DOCK5: variants seen among roughly 807,000 people sequenced by gnomAD.
The protein encoded by DOCK5 is dedicator of cytokinesis protein 5.
DOCK5 carries 142 observed loss-of-function variants against 251.8 expected under a neutral mutation model. The ratio of observed to expected loss-of-function variants is 0.56; its 90% CI spans 0.49 to 0.65. DOCK5 has a LOEUF of 0.65. DOCK5 is among the 30% of genes least tolerant of loss of function. The pLI is 0.00. For missense variants in DOCK5, 2,111 were observed against 2,312.3 expected (o/e 0.91, Z 1.79); for synonymous variants, 842 against 835.5 (o/e 1.01, Z -0.13).
At chr8:25,410,524 C>T (rs927597330) in intron 51 of DOCK5, among the ~76,000 whole-genome samples, 5 of 151,934 alleles carry the variant, frequency 3.3e-5, no homozygotes, top group African/African-American at 7.3e-5. Context: ...TGCAATAGTG[C>T]GATCATAGCT....
At chr8:25,379,735 G>A (rs1801029800) in intron 38 of DOCK5, among the ~76,000 whole-genome samples, 1 of 152,062 alleles carries the variant, frequency 6.6e-6, no homozygotes, top group African/African-American at 2.4e-5. Flanking sequence ...CACAATTTAT[G>A]TTCCTCTGCC....
chr8:25,209,113 G>A (rs1802070257), intron 1 of DOCK5, among the ~76,000 whole-genome samples: 2 of 152,198 alleles, frequency 1.3e-5, no homozygotes, highest in South Asian at 2.1e-4. Flanking sequence ...GGGAGGGTCT[G>A]TGAAGATGCC....
chr8:25,228,869 T>C (rs1802596078), intron 1 of DOCK5, among the ~76,000 whole-genome samples: 1 of 152,206 alleles, frequency 6.6e-6, no homozygotes, highest in Admixed American at 6.5e-5. Flanking sequence ...TTCGTAAGAT[T>C]ACTTTTTTTC....
In DOCK5 at chr8:25,342,489, A is replaced by G. The variant is rs1805977689; in HGVS notation, c.2599A>G (p.Thr867Ala). The G allele has an allele frequency of 6.3e-7, 1 of 1,589,288 alleles. No individual in the cohort carries two copies. The change falls in exon 25 of 52, where the codon ACT (threonine) becomes GCT (alanine). Residue 867 changes from threonine to alanine, a missense_variant. Physicochemically the swap from Thr to Ala is moderately conservative, Grantham distance 58. This residue lies in a region of DOCK5 where 1,717 missense variants were observed against 1,892.4 expected (regional missense o/e 0.91). Coordinates refer to ENST00000276440, the MANE Select transcript of DOCK5 (RefSeq NM_024940.8). ...CTGCATGACCAAGATAGTAGAGAGC[A>G]CTCTTTTTCGACAGTCAGGTAAGTC... is the stretch of plus-strand genomic sequence containing the variant. ...LNCMTKIVES[T>A]LFRQSECREV...
intron 1 of DOCK5, among the ~76,000 whole-genome samples, chr8:25,243,424 G>A (rs191735564): frequency 6.6e-5 from 10 of 150,714 alleles, no homozygotes; most frequent in East Asian, 2.0e-4. Flanking sequence ...TCTGCTGCCC[G>A]GGTTCAAGCA....
intron 5 of DOCK5, 94 bp downstream of exon 5, chr8:25,278,759 C>T: frequency 8.9e-7 from 1 of 1,124,824 alleles, no homozygotes; most frequent in South Asian, 1.3e-5. Flanking sequence ...TTGCTGACTT[C>T]ATGGAGTGGG....
intron 1 of DOCK5, among the ~76,000 whole-genome samples, chr8:25,187,259 A>G (rs969831385): frequency 6.9e-6 from 1 of 144,590 alleles, no homozygotes; most frequent in Non-Finnish European, 1.5e-5. Context: ...ACACACACAC[A>G]CGTATACACA....
chr8:25,323,976 G>A, intron 17 of DOCK5, 25 bp downstream of exon 17: 5 of 1,574,694 alleles, frequency 3.2e-6, no homozygotes, highest in African/African-American at 1.4e-5. Context: ...AAATGGCTGA[G>A]AAAAATACTC....
rs1484840683 is a variant in DOCK5, at chr8:25,414,243, T to C, written c.*2945T>C. 1.3e-5 allele frequency: 2 copies of C among 152,170 alleles called. No homozygotes were observed. Among genetic ancestry groups the C allele is most frequent in the Non-Finnish European group, 2.9e-5 (2 of 68,032 alleles). The allele number at this position is 152,170 out of a possible 1,614,324, so 9.4% of individuals were successfully genotyped here. On this transcript the variant is annotated 3_prime_UTR_variant, in exon 52 of 52. Coordinates refer to ENST00000276440, the MANE Select transcript of DOCK5 (RefSeq NM_024940.8). The stretch of plus-strand genomic sequence containing the variant: ...ATGGTACTAGCCCCTTGGGATGTAG[T>C]GGTTGAGTGTGTTCAATGGAAACAG...
intron 1 of DOCK5, among the ~76,000 whole-genome samples, chr8:25,187,407 G>A (rs189167438): frequency 6.8e-6 from 1 of 147,828 alleles, no homozygotes; most frequent in South Asian, 2.1e-4. Context: ...TAAAATATTT[G>A]GATTGCATTT....
chr8:25,213,364 C>CAAAAA (rs34974024), intron 1 of DOCK5, among the ~76,000 whole-genome samples: 4 of 74,612 alleles, frequency 5.4e-5, no homozygotes, highest in African/African-American at 9.0e-5. Flanking sequence ...ATGAATGTAG[C>CAAAAA]AAAAAAAAAA....
At chr8:25,240,880 C>T (rs1802921791) in intron 1 of DOCK5, among the ~76,000 whole-genome samples, 1 of 152,134 alleles carries the variant, frequency 6.6e-6, no homozygotes, top group South Asian at 2.1e-4. Flanking sequence ...GCTGTGCTCC[C>T]TCCGGAGGCC....
At chr8:25,374,105 A>C (rs1800921870) in intron 36 of DOCK5, among the ~76,000 whole-genome samples, 1 of 152,192 alleles carries the variant, frequency 6.6e-6, no homozygotes, top group African/African-American at 2.4e-5. Context: ...CCACTGCCTT[A>C]AAGAAAGAAG....
intron 1 of DOCK5, among the ~76,000 whole-genome samples, chr8:25,204,351 G>T (rs1801948522): frequency 6.6e-6 from 1 of 152,126 alleles, no homozygotes; most frequent in Non-Finnish European, 1.5e-5. Context: ...GGATTAGGAA[G>T]TTGGGTTTGT....
At position 25,323,829 on chromosome 8, in the gene DOCK5, T is replaced by C. The variant is rs766031036; in HGVS notation, c.1616-19T>C. ...GGTGTCTCTCTGCACTGCTCAGACA[T>C]GTCTTTCTGCCTTTTCAGCCAGAGA... On this transcript the variant is annotated intron_variant, in intron 16 of 51. Transcript: ENST00000276440. 6.2e-7 allele frequency: 1 copy of C among 1,609,878 alleles called. No homozygotes were observed. Among genetic ancestry groups the C allele is most frequent in the Non-Finnish European group, 8.5e-7 (1 of 1,178,104 alleles).
At chr8:25,291,681 T>TGA (rs1586300101) in intron 5 of DOCK5, among the ~76,000 whole-genome samples, 1 of 14,830 alleles carries the variant, frequency 6.7e-5, no homozygotes, top group Non-Finnish European at 2.0e-4. Context: ...AGACTCCGTC[T>TGA]CAAAAAAAAA....
Position 25,308,884 on chromosome 8 carries a change from A to G in DOCK5, c.1151A>G (p.Asn384Ser). The G allele has an allele frequency of 6.2e-7, 1 of 1,613,922 alleles. No individual in the cohort carries two copies. The highest frequency in any genetic ancestry group is 8.5e-7 in the Non-Finnish European group (1 of 1,179,808). Reference protein sequence around the residue: ...GENEPLTSVLNKVIAAKEVNH... With the variant: ...GENEPLTSVLSKVIAAKEVNH... ...AATGAGCCACTCACTTCAGTCTTGA[A>G]TAAAGTGATTGCAGCAAAGGAAGTG... is the stretch of plus-strand genomic sequence containing the variant. The change falls in exon 12 of 52, where the codon AAT (asparagine) becomes AGT (serine). Residue 384 changes from asparagine (N) to serine (S), a missense_variant. Physicochemically the swap from Asn to Ser is conservative, Grantham distance 46. Coordinates refer to ENST00000276440, the MANE Select transcript of DOCK5 (RefSeq NM_024940.8).
chr8:25,404,715 A>G (rs1801494376), intron 48 of DOCK5, among the ~76,000 whole-genome samples: 2 of 152,130 alleles, frequency 1.3e-5, no homozygotes, highest in African/African-American at 4.8e-5. Flanking sequence ...GTACATATAC[A>G]ACTATATCAA....
At chr8:25,342,317 C>T in intron 24 of DOCK5, 84 bp from the exon 25 acceptor site, 2 of 1,042,744 alleles carry the variant, frequency 1.9e-6, no homozygotes, top group South Asian at 2.9e-5. Context: ...ATGCCCAAAT[C>T]TCAGAGTGGA....
Sources: allele counts gnomAD v4.1 joint callset (sites outside exome capture counted in the v4.1 genomes callset), GRCh38; gene constraint gnomAD v4.1.1; regional missense constraint gnomAD v4.1.1; transcripts MANE v1.5; gene names NCBI Gene and HGNC (gene_info 2026-07-23, HGNC 2026-07-21).